Variants in CWH43 observed in about 807,000 individuals in gnomAD.
CWH43 encodes the protein PGAP2-interacting protein.
A neutral mutation model predicts 85.7 loss-of-function variants in CWH43; 91 were observed. That is an observed-to-expected ratio of 1.06 (90% CI 0.90 to 1.26). The LOEUF (loss-of-function observed/expected upper bound fraction) is 1.26. Ranked by LOEUF, CWH43 falls within the 50% of genes most tolerant of loss-of-function variation. CWH43 has a pLI of 0.00. For synonymous variants in CWH43, 323 were observed against 293.6 expected, an observed-to-expected ratio of 1.10 and a Z score of -1.02; for missense variants, 869 against 839.2, an observed-to-expected ratio of 1.04 and a Z score of -0.44.
chr4:49,029,286 C>T (rs953869658), intron 10 of CWH43, among the ~76,000 whole-genome samples: 1 of 152,206 alleles, frequency 6.6e-6, no homozygotes, highest in African/African-American at 2.4e-5. Context: ...TTTAAGGGAT[C>T]TAGGGCTGTG....
intron 8 of CWH43, among the ~76,000 whole-genome samples, chr4:49,008,510 T>TTGCGTTGCTTTTGG (rs1783242828): frequency 6.6e-6 from 1 of 152,224 alleles, no homozygotes; most frequent in Non-Finnish European, 1.5e-5. Context: ...TTGGCTTTTG[T>TTGCGTTGCTTTTGG]TGCGTTGCTT....
At chr4:49,012,417 A>C (rs1050323395) in intron 8 of CWH43, among the ~76,000 whole-genome samples, 2 of 152,208 alleles carry the variant, frequency 1.3e-5, no homozygotes, top group Non-Finnish European at 2.9e-5. Context: ...GGGTTAGAAC[A>C]AGCTCCTTTA....
At chr4:49,006,217 A>G (rs1428805308) in intron 7 of CWH43, among the ~76,000 whole-genome samples, 2 of 152,010 alleles carry the variant, frequency 1.3e-5, no homozygotes, top group African/African-American at 2.4e-5. Flanking sequence ...GAGCTATTCC[A>G]TGCATGAGTT....
At chr4:49,041,576 G>A (rs1257420588) in intron 13 of CWH43, among the ~76,000 whole-genome samples, 5 of 152,098 alleles carry the variant, frequency 3.3e-5, no homozygotes, top group Admixed American at 1.3e-4. Context: ...AATGCTTGTG[G>A]TTTTTGTACA....
chr4:49,012,616 A>G (rs191707521), intron 8 of CWH43, among the ~76,000 whole-genome samples: 11 of 152,244 alleles, frequency 7.2e-5, no homozygotes, highest in South Asian at 6.2e-4. Flanking sequence ...GGTTTTATCT[A>G]TCTTTGGTCT....
rs143989654 is a variant in CWH43 at position 49,012,921 on chromosome 4, G to A, written c.1187-4328G>A. Among the ~76,000 whole-genome samples, 1,468 of 152,308 alleles carry A rather than the reference G, an allele frequency of 9.6e-3. 19 individuals carry two copies. Among genetic ancestry groups the A allele is most frequent in the African/African-American group, 0.029 (1,219 of 41,570 alleles). The stretch of plus-strand genomic sequence containing the variant: ...TGTCTGTTAGCCCCTACTGGGAGGT[G>A]TCTCCCAGTTAGGCTACATGGGGGT... On this transcript the variant is annotated intron_variant, in intron 8 of 15. Transcript: ENST00000226432.
In CWH43 at chr4:49,038,117, A is replaced by C; in HGVS notation, c.1740A>C (p.Gly580=). Residue 580 remains glycine, a synonymous_variant, in exon 13 of 16, where the codon GGA becomes GGC. Coordinates refer to ENST00000226432, the MANE Select transcript of CWH43 (RefSeq NM_025087.3). Reference sequence around the variant, plus strand: ...GCTCTAATCAAGTGATATTTCTGGGATATATCACTTCAGCACCTGGCTCCA... The same window carrying C: ...GCTCTAATCAAGTGATATTTCTGGGCTATATCACTTCAGCACCTGGCTCCA... ...KSSSNQVIFL[G]YITSAPGSRD... is the part of the protein sequence containing the mutation. The C allele has an allele frequency of 6.2e-7, 1 of 1,612,774 alleles. No homozygotes were observed. Among genetic ancestry groups the C allele is most frequent in the Non-Finnish European group, 8.5e-7 (1 of 1,179,208 alleles).
chr4:49,036,455 G>T (rs1178510005), intron 12 of CWH43, among the ~76,000 whole-genome samples: 3 of 152,166 alleles, frequency 2.0e-5, no homozygotes, highest in East Asian at 3.8e-4. Context: ...TATTTCTTGA[G>T]ACATCTTTTA....
At position 48,986,390 on chromosome 4, in the gene CWH43, C is replaced by T. The variant is rs1782494839; in HGVS notation, c.-40C>T. On this transcript the variant is annotated 5_prime_UTR_variant, in exon 1 of 16. Transcript: ENST00000226432. ...CAGGGCTAGGGCAGCGGGCCCGACCCGCACGGCTTTCCTGGAAAGCGCTGC... is the reference window on the plus strand; with the variant it reads ...CAGGGCTAGGGCAGCGGGCCCGACCTGCACGGCTTTCCTGGAAAGCGCTGC... The T allele has an allele frequency of 6.5e-7, 1 of 1,544,486 alleles. No individual in the cohort carries two copies.
At chr4:48,994,915 A>G (rs1305318234) in intron 5 of CWH43, 95 bp downstream of exon 5, 5 of 963,492 alleles carry the variant, frequency 5.2e-6, no homozygotes, top group Non-Finnish European at 8.4e-6. Context: ...TGCTAGCCAG[A>G]TATTTCATAC....
intron 15 of CWH43, among the ~76,000 whole-genome samples, chr4:49,051,938 CT>C (rs1169535252): frequency 2.6e-5 from 4 of 152,108 alleles, no homozygotes; most frequent in African/African-American, 9.7e-5. Context: ...AGTATGTGCT[CT>C]TTTCTCTCCC....
intron 9 of CWH43, among the ~76,000 whole-genome samples, chr4:49,023,334 T>C (rs2109793611): frequency 6.6e-6 from 1 of 152,270 alleles, no homozygotes; most frequent in Non-Finnish European, 1.5e-5. Context: ...TTCTATATAT[T>C]TGCATGGTTT....
intron 12 of CWH43, among the ~76,000 whole-genome samples, chr4:49,033,825 T>C (rs1283814758): frequency 6.6e-6 from 1 of 152,228 alleles, no homozygotes; most frequent in African/African-American, 2.4e-5. Context: ...CTATGTGCTA[T>C]GACATTCACA....
At chr4:49,038,398 C>T (rs1191314762) in intron 13 of CWH43, among the ~76,000 whole-genome samples, 1 of 152,136 alleles carries the variant, frequency 6.6e-6, no homozygotes, top group African/African-American at 2.4e-5. Flanking sequence ...TAGCTCATCT[C>T]TGTTCCATGC....
intron 12 of CWH43, among the ~76,000 whole-genome samples, chr4:49,036,414 G>T (rs1416600380): frequency 6.6e-6 from 1 of 152,188 alleles, no homozygotes; most frequent in African/African-American, 2.4e-5. Context: ...TAGCAAAGGG[G>T]TTTAACAAAT....
intron 13 of CWH43, among the ~76,000 whole-genome samples, chr4:49,038,553 T>C (rs560932971): frequency 2.6e-5 from 4 of 152,202 alleles, no homozygotes; most frequent in African/African-American, 4.8e-5. Flanking sequence ...TGGCTTTCAA[T>C]AGTGAAAATC....
chr4:49,050,779 A>G lies in CWH43; in HGVS notation c.1951A>G (p.Asn651Asp). The change falls in exon 15 of 16, where the codon AAT (asparagine) becomes GAT (aspartate). Residue 651 changes from asparagine (N) to aspartate (D), a missense_variant. Coordinates refer to ENST00000226432, the MANE Select transcript of CWH43 (RefSeq NM_025087.3). ...ATTTAGGATCCCTGATGACCCCACT[A>G]ATTATAGAGACAACCAGAAAGTGGT... ...AKFRIPDDPT[N>D]YRDNQKVVID... is the part of the protein sequence containing the mutation. The G allele has an allele frequency of 6.2e-7, 1 of 1,611,650 alleles. No homozygotes were observed. The highest frequency in any genetic ancestry group is 2.2e-5 in the East Asian group (1 of 44,790).
chr4:49,003,892 G>C lies in CWH43; in HGVS notation c.960G>C (p.Met320Ile). 1 of 1,613,944 alleles carries C rather than the reference G, an allele frequency of 6.2e-7. No homozygotes were observed. Among genetic ancestry groups the C allele is most frequent in the Non-Finnish European group, 8.5e-7 (1 of 1,179,900 alleles). ...CTGGGAAAACCATGACCATTGCCAT[G>C]ATATTTTATCTTCTAGAAATATTTT... ...TNPGKTMTIA[M>I]IFYLLEIFFC... is the part of the protein sequence containing the mutation. The change falls in exon 7 of 16, where the codon ATG (methionine) becomes ATC (isoleucine). Residue 320 changes from methionine to isoleucine, a missense_variant. Met to Ile is a conservative substitution (Grantham distance 10, BLOSUM62 1). Around this residue, in one of 3 missense-constraint regions of CWH43, gnomAD observed 577 missense variants for 513.1 expected, o/e 1.12. Transcript: ENST00000226432.
chr4:49,014,039 T>C (rs1783451033), intron 8 of CWH43, among the ~76,000 whole-genome samples: 1 of 152,164 alleles, frequency 6.6e-6, no homozygotes, highest in African/African-American at 2.4e-5. Context: ...CAAAATATTA[T>C]AGTGTAAAGA....
Sources: allele counts gnomAD v4.1 joint callset (sites outside exome capture counted in the v4.1 genomes callset), GRCh38; gene constraint gnomAD v4.1.1; regional missense constraint gnomAD v4.1.1; transcripts MANE v1.5; gene names NCBI Gene and HGNC (gene_info 2026-07-23, HGNC 2026-07-21).